The following AFTPH variants were observed in gnomAD, a reference collection of about 807,000 sequenced individuals.
The protein encoded by AFTPH is aftiphilin protein.
In AFTPH, 7 loss-of-function variants were observed where a neutral mutation model predicts 72.5. The ratio of observed to expected loss-of-function variants is 0.10; its 90% CI spans 0.05 to 0.18. The LOEUF is 0.18. Among genes scored for constraint, AFTPH ranks in the 10% least tolerant of loss-of-function variants. The pLI is 1.00. For missense variants in AFTPH, 979 were observed against 1,060.5 expected, an observed-to-expected ratio of 0.92 and a Z score of 1.07; for synonymous variants, 337 against 370.1, an observed-to-expected ratio of 0.91 and a Z score of 1.03.
intron 1 of AFTPH, among the ~76,000 whole-genome samples, chr2:64,528,467 CAAT>C (rs1249503715): frequency 1.3e-5 from 2 of 152,004 alleles, no homozygotes; most frequent in East Asian, 3.9e-4. Context: ...AAGCAAATAG[CAAT>C]AAAATAAGCA....
At chr2:64,579,979 T>C (rs1344143728) in intron 7 of AFTPH, 3 of 154,576 alleles carry the variant, frequency 1.9e-5, no homozygotes, top group African/African-American at 7.2e-5. Flanking sequence ...AGATCCATGT[T>C]TATTGACTCA....
At chr2:64,551,416 C>CAA in intron 1 of AFTPH, 27 bp from the exon 2 acceptor site, 1 of 1,527,670 alleles carries the variant, frequency 6.5e-7, no homozygotes, top group Non-Finnish European at 8.8e-7. Flanking sequence ...CTGTCCCCTC[C>CAA]AAAAATTCTT....
At chr2:64,565,416 A>G (rs1450456881) in intron 2 of AFTPH, among the ~76,000 whole-genome samples, 2 of 145,944 alleles carry the variant, frequency 1.4e-5, no homozygotes, top group Non-Finnish European at 3.0e-5. Flanking sequence ...CAGAGCTTGC[A>G]GTGAGCCGAG....
At chr2:64,564,958 C>T (rs1355031376) in intron 2 of AFTPH, among the ~76,000 whole-genome samples, 1 of 151,830 alleles carries the variant, frequency 6.6e-6, no homozygotes, top group African/African-American at 2.4e-5. Context: ...CATGCCTCAA[C>T]CTCCTGAGTA....
intron 6 of AFTPH, 124 bp downstream of exon 6, chr2:64,573,192 G>T: frequency 1.4e-6 from 1 of 736,022 alleles, no homozygotes; most frequent in Non-Finnish European, 2.2e-6. Context: ...ATTTAATGAT[G>T]GACATGATTT....
rs145180972 is a variant in AFTPH, at chr2:64,553,270, G to A, written c.1796G>A (p.Arg599Gln). The A allele has an allele frequency of 1.2e-3, 1,905 of 1,614,088 alleles. 3 individuals are homozygous for A. The highest frequency in any genetic ancestry group is 4.9e-3 in the Middle Eastern group (30 of 6,062). Residue 599 changes from arginine (R) to glutamine (Q), a missense_variant, in exon 2 of 9, where the codon CGA (arginine) becomes CAA (glutamine). Physicochemically the swap from Arg to Gln is conservative, Grantham distance 43 (BLOSUM62 1). Transcript: ENST00000238856. The stretch of plus-strand genomic sequence containing the variant: ...CAGCAGGCTACTGAATCTCATCATC[G>A]AAAGGAAGCCTGGCAGTCACATAGG...
intron 7 of AFTPH, among the ~76,000 whole-genome samples, chr2:64,582,600 T>C (rs1256575064): frequency 6.6e-6 from 1 of 152,174 alleles, no homozygotes; most frequent in Non-Finnish European, 1.5e-5. Flanking sequence ...GAGCTAATTG[T>C]CTGACATTTT....
At chr2:64,572,872 C>T in intron 5 of AFTPH, 74 bp from the exon 6 acceptor site, 4 of 1,555,434 alleles carry the variant, frequency 2.6e-6, no homozygotes, top group South Asian at 1.2e-5. Context: ...TTACCTTCTT[C>T]TTTCTGATAG....
intron 1 of AFTPH, 76 bp from the exon 2 acceptor site, chr2:64,551,367 A>T: frequency 8.6e-7 from 1 of 1,168,528 alleles, no homozygotes; most frequent in Non-Finnish European, 1.2e-6. Flanking sequence ...GTTTTAAAGT[A>T]GCTTTGAGAG....
At chr2:64,581,546 T>G (rs984176574) in intron 7 of AFTPH, among the ~76,000 whole-genome samples, 7 of 151,706 alleles carry the variant, frequency 4.6e-5, no homozygotes, top group East Asian at 3.9e-4. Context: ...GGGCTGTTGG[T>G]TTTTTTTTCC....
At chr2:64,525,659 G>A (rs1199542306) in intron 1 of AFTPH, 1 of 152,746 alleles carries the variant, frequency 6.5e-6, no homozygotes, top group African/African-American at 2.4e-5. Context: ...GTTGCTTTCA[G>A]TTAACCTCTT....
intron 6 of AFTPH, among the ~76,000 whole-genome samples, chr2:64,574,751 G>A (rs1414954719): frequency 6.6e-6 from 1 of 152,222 alleles, no homozygotes; most frequent in African/African-American, 2.4e-5. Context: ...AGCAGACAAA[G>A]TGGCTTGGGC....
intron 6 of AFTPH, 100 bp from the exon 7 acceptor site, chr2:64,579,386 T>G: frequency 2.4e-6 from 2 of 836,632 alleles, no homozygotes; most frequent in Non-Finnish European, 3.7e-6. Flanking sequence ...TTTAGGTACT[T>G]TGTTGCCTAA....
chr2:64,532,585 G>T (rs1669688095), intron 1 of AFTPH, among the ~76,000 whole-genome samples: 3 of 152,292 alleles, frequency 2.0e-5, no homozygotes, highest in Admixed American at 2.0e-4. Flanking sequence ...GGGATCTTAA[G>T]TTTCTGGTAT....
intron 2 of AFTPH, among the ~76,000 whole-genome samples, chr2:64,563,846 T>G (rs757790688): frequency 6.6e-6 from 1 of 152,182 alleles, no homozygotes; most frequent in Non-Finnish European, 1.5e-5. Flanking sequence ...GACCTTGTGA[T>G]CTGCCTGCCT....
chr2:64,591,638 TGTGA>T (rs764738247), intron 8 of AFTPH, among the ~76,000 whole-genome samples: 2 of 152,330 alleles, frequency 1.3e-5, no homozygotes, highest in South Asian at 2.1e-4. Flanking sequence ...TAGGTGTGCA[TGTGA>T]GTATCTGTGT....
chr2:64,532,741 T>TTCTTG (rs1395064167), intron 1 of AFTPH, among the ~76,000 whole-genome samples: 3 of 152,148 alleles, frequency 2.0e-5, no homozygotes, highest in African/African-American at 7.2e-5. Context: ...GCTGTAAAGA[T>TTCTTG]GAATCTGAGA....
intron 2 of AFTPH, among the ~76,000 whole-genome samples, chr2:64,565,474 C>CAAAAAA (rs11447048): frequency 3.4e-5 from 3 of 88,162 alleles, no homozygotes; most frequent in Non-Finnish European, 4.7e-5. Context: ...GACTCTATCT[C>CAAAAAA]AAAAAAAAAA....
intron 1 of AFTPH, among the ~76,000 whole-genome samples, chr2:64,524,934 C>T (rs1267460427): frequency 6.6e-6 from 1 of 152,270 alleles, no homozygotes; most frequent in Non-Finnish European, 1.5e-5. Context: ...CCTCCCAAAG[C>T]TCCGCGCTGG....
Sources: gnomAD v4.1 joint callset for allele counts (sites outside exome capture counted in the v4.1 genomes callset) on GRCh38, gnomAD v4.1.1 for gene constraint, MANE v1.5 for transcripts, NCBI Gene and HGNC (gene_info 2026-07-23, HGNC 2026-07-21) for gene names.